OPCML: variants seen among roughly 807,000 people sequenced by gnomAD.
OPCML encodes the protein opioid binding protein/cell adhesion molecule like, also known as opioid-binding protein/cell adhesion molecule.
In OPCML, 13 loss-of-function variants were observed where a neutral mutation model predicts 37.8. That is an observed-to-expected ratio of 0.34 (90% CI 0.22 to 0.55). OPCML has a LOEUF of 0.55. Among genes scored for constraint, OPCML ranks in the 20% least tolerant of loss-of-function variants. OPCML has a pLI of 0.91. For synonymous variants in OPCML, 176 were observed against 168.8 expected, an observed-to-expected ratio of 1.04 and a Z score of -0.33; for missense variants, 341 against 435.6, an observed-to-expected ratio of 0.78 and a Z score of 1.93.
At chr11:133,051,279 A>T (rs2136966046) in intron 1 of OPCML, among the ~76,000 whole-genome samples, 1 of 152,300 alleles carries the variant, frequency 6.6e-6, no homozygotes, top group Admixed American at 6.5e-5. Context: ...AGCGTCTGTG[A>T]AGTAGTACTA....
chr11:132,970,952 A>C (rs1191845858), intron 1 of OPCML, among the ~76,000 whole-genome samples: 2 of 152,126 alleles, frequency 1.3e-5, no homozygotes, highest in Non-Finnish European at 1.5e-5. Context: ...TAAACTGTGC[A>C]TTGTTTTCCT....
intron 1 of OPCML, among the ~76,000 whole-genome samples, chr11:133,394,017 C>T (rs887949787): frequency 3.9e-5 from 6 of 152,196 alleles, no homozygotes; most frequent in African/African-American, 1.4e-4. Flanking sequence ...AGTGTGCCCT[C>T]CACTGTACCC....
At chr11:133,282,848 T>C (rs1942195544) in intron 1 of OPCML, among the ~76,000 whole-genome samples, 1 of 152,172 alleles carries the variant, frequency 6.6e-6, no homozygotes, top group African/African-American at 2.4e-5. Flanking sequence ...GGAGATTATA[T>C]TGGATCTTTA....
At chr11:132,886,112 G>A (rs1164813063) in intron 2 of OPCML, among the ~76,000 whole-genome samples, 1 of 152,140 alleles carries the variant, frequency 6.6e-6, no homozygotes, top group Non-Finnish European at 1.5e-5. Context: ...CCATTGTATG[G>A]ATTAGCGTAA....
Position 132,904,684 on chromosome 11 carries a change from C to T in OPCML, c.146+38242G>A, listed in dbSNP as rs571392510. On this transcript the variant is annotated intron_variant, in intron 2 of 7. Transcript: ENST00000524381. ...CTATAAATTCAAAAGCAAGAAATAT[C>T]GCAGAAGCCTGCAGATGGCCGTGCA... Among the ~76,000 whole-genome samples, 33 of 152,288 alleles carry T rather than the reference C, an allele frequency of 2.2e-4. No homozygotes were observed. In the South Asian group the frequency reaches 2.3e-3, roughly 11 times the overall value.
chr11:132,796,605 G>C (rs1404037372), intron 2 of OPCML, among the ~76,000 whole-genome samples: 2 of 116,678 alleles, frequency 1.7e-5, no homozygotes, highest in African/African-American at 6.8e-5. Context: ...ACGGAGCCTC[G>C]CTCTGTCACC....
chr11:133,359,792 G>T (rs536719725), intron 1 of OPCML, among the ~76,000 whole-genome samples: 1 of 151,990 alleles, frequency 6.6e-6, no homozygotes, highest in Admixed American at 6.6e-5. Context: ...TGTTATCCTC[G>T]GTATTTAGCG....
chr11:132,959,536 C>T (rs773022990), intron 1 of OPCML, among the ~76,000 whole-genome samples: 8 of 152,110 alleles, frequency 5.3e-5, no homozygotes, highest in South Asian at 4.1e-4. Context: ...AGCAATCTTT[C>T]GGGAAGGGAA....
chr11:132,429,255 C>A (rs758133274), intron 7 of OPCML, among the ~76,000 whole-genome samples: 1 of 152,138 alleles, frequency 6.6e-6, no homozygotes, highest in African/African-American at 2.4e-5. Flanking sequence ...TTTCAGCAAT[C>A]GAAATGACAA....
intron 3 of OPCML, among the ~76,000 whole-genome samples, chr11:132,651,075 G>T (rs1941405281): frequency 6.6e-6 from 1 of 152,186 alleles, no homozygotes; most frequent in South Asian, 2.1e-4. Context: ...TGCAATCCCA[G>T]CATCCACCTG....
At chr11:132,825,850 G>A (rs569007159) in intron 2 of OPCML, among the ~76,000 whole-genome samples, 1 of 152,256 alleles carries the variant, frequency 6.6e-6, no homozygotes, top group East Asian at 1.9e-4. Flanking sequence ...CAAAGCTAAG[G>A]AATATGCCCC....
At chr11:133,256,015 G>T (rs548812067) in intron 1 of OPCML, among the ~76,000 whole-genome samples, 1 of 151,922 alleles carries the variant, frequency 6.6e-6, no homozygotes, top group East Asian at 1.9e-4. Context: ...CTACTATTTC[G>T]TTCACTATTT....
At chr11:133,228,538 C>T (rs1940138663) in intron 1 of OPCML, among the ~76,000 whole-genome samples, 2 of 152,240 alleles carry the variant, frequency 1.3e-5, no homozygotes, top group South Asian at 4.1e-4. Context: ...CCGAGGTGCC[C>T]GCTGGTGCTC....
chr11:132,703,827 T>G (rs1379878022), intron 2 of OPCML, among the ~76,000 whole-genome samples: 3 of 152,176 alleles, frequency 2.0e-5, no homozygotes, highest in African/African-American at 7.2e-5. Context: ...GTCCTGGTGT[T>G]AGGGCAGGCC....
chr11:132,752,817 C>T (rs1945882972), intron 2 of OPCML, among the ~76,000 whole-genome samples: 1 of 152,026 alleles, frequency 6.6e-6, no homozygotes, highest in Admixed American at 6.6e-5. Context: ...AAAAGACAGG[C>T]CTCCTTCCTG....
At chr11:132,888,321 TCAGA>T (rs1455411734) in intron 2 of OPCML, among the ~76,000 whole-genome samples, 1 of 152,074 alleles carries the variant, frequency 6.6e-6, no homozygotes, top group Non-Finnish European at 1.5e-5. Context: ...ATTATTTAGG[TCAGA>T]CAGAGTGGAA....
intron 3 of OPCML, among the ~76,000 whole-genome samples, chr11:132,600,839 CTTTTTTTT>C (rs145586468): frequency 2.1e-5 from 2 of 94,534 alleles, no homozygotes; most frequent in African/African-American, 8.9e-5. Flanking sequence ...AAATAGTTAA[CTTTTTTTT>C]TTTTTTTTTT....
chr11:133,192,905 T>C (rs931008751), intron 1 of OPCML, among the ~76,000 whole-genome samples: 20 of 151,706 alleles, frequency 1.3e-4, no homozygotes, highest in African/African-American at 4.9e-4. Context: ...TTTGTTAACA[T>C]GGCATTTGAA....
In OPCML at chr11:132,825,956, G is replaced by A. The variant is rs147370590; in HGVS notation, c.146+116970C>T. ...TGTGTTTTTCTCTTTGTCCATGTGT[G>A]AACCCCGCTACCTCCCTAACCACTC... On this transcript the variant is annotated intron_variant, in intron 2 of 7. Coordinates refer to ENST00000524381, the MANE Select transcript of OPCML (RefSeq NM_001012393.5). Among the ~76,000 whole-genome samples, 104 of 152,292 alleles carry A rather than the reference G, an allele frequency of 6.8e-4. 1 individual carries two copies. In the East Asian group the frequency reaches 0.011, roughly 17 times the overall value.
Sources: gnomAD v4.1 joint callset for allele counts (sites outside exome capture counted in the v4.1 genomes callset) on GRCh38, gnomAD v4.1.1 for gene constraint, MANE v1.5 for transcripts, NCBI Gene and HGNC (gene_info 2026-07-23, HGNC 2026-07-21) for gene names.